Variants in MYO10 observed in about 807,000 individuals in gnomAD.
The protein encoded by MYO10 is myosin X.
A neutral mutation model predicts 257.3 loss-of-function variants in MYO10; 133 were observed. The observed-to-expected ratio is 0.52, with a 90% CI of 0.45 to 0.60. MYO10 has a LOEUF of 0.60. Ranked by LOEUF, MYO10 falls within the 20% of genes least tolerant of loss-of-function variation. The pLI is 0.00. For synonymous variants in MYO10, 1,104 were observed against 1,028.6 expected, an observed-to-expected ratio of 1.07 and a Z score of -1.40; for missense variants, 2,399 against 2,635.7, an observed-to-expected ratio of 0.91 and a Z score of 1.97.
chr5:16,705,081 A>G (rs1049062330), intron 21 of MYO10, among the ~76,000 whole-genome samples: 4 of 152,224 alleles, frequency 2.6e-5, no homozygotes, highest in African/African-American at 9.6e-5. Context: ...TGATTCAGAG[A>G]TACAGAAAGC....
Position 16,666,512 on chromosome 5 carries a change from T to C in MYO10, c.*180A>G. The C allele has an allele frequency of 1.7e-6, 1 of 586,642 alleles. No individual in the cohort carries two copies. The highest frequency in any genetic ancestry group is 2.9e-5 in the East Asian group (1 of 34,740). 36.3% of individuals were successfully genotyped at this position (586,642 alleles called of 1,614,324 possible). Reference sequence around the variant, plus strand: ...CAGACTGTTAAAGTTGACAGCTTAATACAGGATCAATGAAGGCGGCAGGCA... The same window carrying C: ...CAGACTGTTAAAGTTGACAGCTTAACACAGGATCAATGAAGGCGGCAGGCA... On this transcript the variant is annotated 3_prime_UTR_variant, in exon 41 of 41. Transcript: ENST00000513610.
chr5:16,738,890 CAAAAAA>C (rs36039787), intron 19 of MYO10, among the ~76,000 whole-genome samples: 1 of 74,228 alleles, frequency 1.3e-5, no homozygotes. Flanking sequence ...GACTCCATCT[CAAAAAA>C]AAAAAAAAAA....
At chr5:16,688,854 C>CA (rs1228441987) in intron 28 of MYO10, among the ~76,000 whole-genome samples, 1 of 152,168 alleles carries the variant, frequency 6.6e-6, no homozygotes, top group Non-Finnish European at 1.5e-5. Context: ...ACAGACGTTC[C>CA]ACGGTGTCAG....
intron 22 of MYO10, among the ~76,000 whole-genome samples, chr5:16,704,302 G>C (rs1455631452): frequency 6.6e-6 from 1 of 152,140 alleles, no homozygotes; most frequent in Non-Finnish European, 1.5e-5. Context: ...TCTAGCCTCA[G>C]AGACAGAGTA....
At chr5:16,714,903 G>T (rs1401013491) in intron 19 of MYO10, among the ~76,000 whole-genome samples, 1 of 152,160 alleles carries the variant, frequency 6.6e-6, no homozygotes, top group Non-Finnish European at 1.5e-5. Context: ...TTTAGTATCT[G>T]ATAGCACAAC....
intron 2 of MYO10, among the ~76,000 whole-genome samples, chr5:16,855,279 T>C (rs1030017089): frequency 3.7e-4 from 57 of 152,322 alleles, no homozygotes; most frequent in African/African-American, 1.3e-3. Context: ...TGGTATTTAC[T>C]TCATCTTAAC....
chr5:16,796,413 A>G (rs998280201), intron 3 of MYO10, among the ~76,000 whole-genome samples: 1 of 142,070 alleles, frequency 7.0e-6, no homozygotes, highest in Non-Finnish European at 1.5e-5. Context: ...AAAAGAAAGG[A>G]AAGAAAGGAA....
chr5:16,671,552 G>C lies in MYO10; in HGVS notation c.5310-10C>G. ...GGATGTGGCAGCCAGCCTACAGAGA[G>C]GAGTCAAGAGAGGCTCAGAATATGA... On this transcript the variant is annotated splice_polypyrimidine_tract_variant and intron_variant, in intron 37 of 40. Coordinates refer to ENST00000513610, the MANE Select transcript of MYO10 (RefSeq NM_012334.3). The C allele has an allele frequency of 6.2e-7, 1 of 1,613,922 alleles. No individual in the cohort carries two copies. Among genetic ancestry groups the C allele is most frequent in the East Asian group, 2.2e-5 (1 of 44,878 alleles).
intron 19 of MYO10, among the ~76,000 whole-genome samples, chr5:16,745,555 G>T (rs1274255353): frequency 6.6e-6 from 1 of 151,928 alleles, no homozygotes; most frequent in African/African-American, 2.4e-5. Flanking sequence ...GCCCAGTGGT[G>T]GTGTATGCCT....
intron 32 of MYO10, 124 bp from the exon 33 acceptor site, chr5:16,680,228 C>A: frequency 2.5e-6 from 3 of 1,198,426 alleles, no homozygotes; most frequent in Non-Finnish European, 3.4e-6. Flanking sequence ...TGGCTTAATT[C>A]CTACATGTGT....
chr5:16,827,064 T>C (rs1241525653), intron 2 of MYO10, among the ~76,000 whole-genome samples: 3 of 152,178 alleles, frequency 2.0e-5, no homozygotes, highest in African/African-American at 7.2e-5. Flanking sequence ...ATCTGCCTTT[T>C]CCTATTGTTT....
chr5:16,811,658 TC>T (rs1742444309), intron 3 of MYO10, among the ~76,000 whole-genome samples: 2 of 152,230 alleles, frequency 1.3e-5, no homozygotes, highest in African/African-American at 2.4e-5. Flanking sequence ...CAGGCAATCC[TC>T]CCACCCCAGC....
At chr5:16,668,043 G>C (rs1279354158) in intron 40 of MYO10, among the ~76,000 whole-genome samples, 1 of 152,122 alleles carries the variant, frequency 6.6e-6, no homozygotes, top group African/African-American at 2.4e-5. Flanking sequence ...AAGACTCCTT[G>C]GCAAAATGGA....
intron 2 of MYO10, among the ~76,000 whole-genome samples, chr5:16,862,225 T>C (rs1312914931): frequency 1.3e-5 from 2 of 152,190 alleles, no homozygotes; most frequent in African/African-American, 2.4e-5. Flanking sequence ...AAAGTTGGAA[T>C]GAGGCAACAA....
chr5:16,776,039 G>T (rs764964474), intron 9 of MYO10, among the ~76,000 whole-genome samples: 4 of 151,486 alleles, frequency 2.6e-5, no homozygotes, highest in Non-Finnish European at 5.9e-5. Flanking sequence ...GGGTTTACAC[G>T]TGTGTGCCAC....
chr5:16,792,287 G>A (rs1328177112), intron 4 of MYO10, among the ~76,000 whole-genome samples: 1 of 151,914 alleles, frequency 6.6e-6, no homozygotes, highest in Non-Finnish European at 1.5e-5. Flanking sequence ...CCAGTGAGAA[G>A]AACACAACCC....
intron 19 of MYO10, among the ~76,000 whole-genome samples, chr5:16,741,579 C>A (rs1371875438): frequency 6.6e-6 from 1 of 152,122 alleles, no homozygotes; most frequent in Non-Finnish European, 1.5e-5. Context: ...TTATCAACGC[C>A]TTAACTGATC....
At chr5:16,869,827 T>C (rs1424594736) in intron 2 of MYO10, among the ~76,000 whole-genome samples, 2 of 150,104 alleles carry the variant, frequency 1.3e-5, no homozygotes, top group Non-Finnish European at 2.9e-5. Flanking sequence ...ATTACACCAC[T>C]GCACTCCAGC....
At chr5:16,794,564 T>C in intron 4 of MYO10, 82 bp downstream of exon 4, 2 of 1,298,790 alleles carry the variant, frequency 1.5e-6, no homozygotes, top group Middle Eastern at 2.8e-4. Flanking sequence ...CTCTGGTTAA[T>C]GCCCTAAGGA....
Sources: gnomAD v4.1 joint callset for allele counts (sites outside exome capture counted in the v4.1 genomes callset) on GRCh38, gnomAD v4.1.1 for gene constraint, MANE v1.5 for transcripts, NCBI Gene and HGNC (gene_info 2026-07-23, HGNC 2026-07-21) for gene names.